RNF38: variants seen among roughly 807,000 people sequenced by gnomAD.
RNF38 encodes the protein ring finger protein 38, also known as E3 ubiquitin-protein ligase RNF38.
A neutral mutation model predicts 67.2 loss-of-function variants in RNF38; 15 were observed. That is an observed-to-expected ratio of 0.22 (90% confidence interval 0.15 to 0.34). RNF38 has a LOEUF of 0.34. RNF38 is among the 10% of genes least tolerant of loss of function. The pLI is 1.00. For missense variants in RNF38, 524 were observed against 639.9 expected (o/e 0.82, Z 1.95); for synonymous variants, 220 against 218.8 (o/e 1.01, Z -0.05).
At chr9:36,474,377 C>T (rs1840076415) in intron 1 of RNF38, among the ~76,000 whole-genome samples, 1 of 148,728 alleles carries the variant, frequency 6.7e-6, no homozygotes, top group African/African-American at 2.5e-5. Flanking sequence ...TCAGGAGAGA[C>T]AAAGGCAAAA....
chr9:36,431,183 A>G (rs1186730735), intron 1 of RNF38, among the ~76,000 whole-genome samples: 1 of 152,210 alleles, frequency 6.6e-6, no homozygotes, highest in East Asian at 1.9e-4. Context: ...GGAAACATCT[A>G]TAATCATGCA....
At chr9:36,353,030 G>T (rs1352082516) in intron 7 of RNF38, 140 bp downstream of exon 7, 7 of 823,954 alleles carry the variant, frequency 8.5e-6, no homozygotes, top group Non-Finnish European at 1.4e-5. Flanking sequence ...ACACTCAGGT[G>T]TATTTCTAAA....
chr9:36,452,226 TA>T (rs372299203), intron 1 of RNF38, among the ~76,000 whole-genome samples: 67 of 152,246 alleles, frequency 4.4e-4, no homozygotes, highest in African/African-American at 1.6e-3. Context: ...CTGATGTCTT[TA>T]AAAAAACTTT....
chr9:36,485,059 C>G (rs1840371415), intron 1 of RNF38, among the ~76,000 whole-genome samples: 1 of 152,138 alleles, frequency 6.6e-6, no homozygotes, highest in Non-Finnish European at 1.5e-5. Flanking sequence ...GTCCCAGCTA[C>G]TCGGGAGGCT....
rs1229002257 is a variant in RNF38, at chr9:36,353,025, CA to C, written c.1071+144del. 6 of 798,530 alleles carry C rather than the reference CA, an allele frequency of 7.5e-6. No individual in the cohort carries two copies. In the East Asian group the frequency reaches 1.1e-4, roughly 14 times the overall value. 49.5% of individuals were successfully genotyped at this position (798,530 alleles called of 1,614,324 possible). A position where few individuals can be genotyped will look rare whatever the true frequency, so the allele number is the denominator to read the frequency against. The stretch of plus-strand genomic sequence containing the variant: ...CAGCAACCATTTTAAACCATACACT[CA>C]GGTGTATTTCTAAATATAACTTTCC... On this transcript the variant is annotated intron_variant, in intron 7 of 11. Coordinates refer to ENST00000259605, the MANE Select transcript of RNF38 (RefSeq NM_022781.5).
Position 36,339,683 on chromosome 9 carries a change from G to T in RNF38, c.*69C>A. 1 of 1,279,180 alleles carries T rather than the reference G, an allele frequency of 7.8e-7. No individual in the cohort carries two copies. Among genetic ancestry groups the T allele is most frequent in the Non-Finnish European group, 1.1e-6 (1 of 888,830 alleles). The allele number at this position is 1,279,180 out of a possible 1,614,324, so 79.2% of individuals were successfully genotyped here. On this transcript the variant is annotated 3_prime_UTR_variant, in exon 12 of 12. Coordinates refer to ENST00000259605, the MANE Select transcript of RNF38 (RefSeq NM_022781.5). The stretch of plus-strand genomic sequence containing the variant: ...GAGGGCTGGAAGCCACACAGATTAA[G>T]TTCAATGGATAGTCCGTATATACAT...
chr9:36,391,232 ATGCAG>A (rs1345932926), intron 1 of RNF38, among the ~76,000 whole-genome samples: 3 of 152,226 alleles, frequency 2.0e-5, no homozygotes, highest in African/African-American at 7.2e-5. Context: ...GATTTGGCCA[ATGCAG>A]TGGTCACACC....
Position 36,356,471 on chromosome 9 carries a change from C to A in RNF38, c.741G>T (p.Met247Ile). 1 of 1,575,376 alleles carries A rather than the reference C, an allele frequency of 6.3e-7. No homozygotes were observed. Among genetic ancestry groups the A allele is most frequent in the Non-Finnish European group, 8.6e-7 (1 of 1,162,478 alleles). The change falls in exon 6 of 12, where the codon ATG (methionine) becomes ATT (isoleucine). Residue 247 changes from methionine (M) to isoleucine (I), a missense_variant and splice_region_variant. Physicochemically the swap from Met to Ile is conservative, Grantham distance 10. Around this residue, in one of 2 missense-constraint regions of RNF38, gnomAD observed 461 missense variants for 517.4 expected, o/e 0.89. Coordinates refer to ENST00000259605, the MANE Select transcript of RNF38 (RefSeq NM_022781.5). Reference protein sequence around the residue: ...HLPVCSVPPPMLQACSVQHLP... With the variant: ...HLPVCSVPPPILQACSVQHLP... ...AGTGCTGAACTGAACATGCCTGAAGCATCTGTAAGAGAAACCATTACAGTT... is the reference window on the plus strand; with the variant it reads ...AGTGCTGAACTGAACATGCCTGAAGAATCTGTAAGAGAAACCATTACAGTT...
chr9:36,460,885 C>CAAAAAAAAAAAAA (rs752827635), intron 1 of RNF38, among the ~76,000 whole-genome samples: 1 of 52,934 alleles, frequency 1.9e-5, no homozygotes, highest in Non-Finnish European at 3.3e-5. Flanking sequence ...GAAACTCTCT[C>CAAAAAAAAAAAAA]AAAAAAAAAA....
Position 36,378,506 on chromosome 9 carries a change from G to T in RNF38, c.163-2379C>A, listed in dbSNP as rs548480083. Among the ~76,000 whole-genome samples the T allele has an allele frequency of 9.9e-5, 15 of 152,186 alleles. No homozygotes were observed. In the South Asian group the frequency reaches 2.7e-3, roughly 27 times the overall value. On this transcript the variant is annotated intron_variant, in intron 2 of 11. Coordinates refer to ENST00000259605, the MANE Select transcript of RNF38 (RefSeq NM_022781.5). ...CTGACTTTTTAAAAACAAAATGCTA[G>T]TAACGAATCATGATCATTAGCTTTT...
chr9:36,358,403 G>C (rs1270377806), intron 4 of RNF38, among the ~76,000 whole-genome samples: 1 of 152,176 alleles, frequency 6.6e-6, no homozygotes, highest in Admixed American at 6.5e-5. Flanking sequence ...GCCACCCAGA[G>C]GCAAACGATG....
At chr9:36,402,490 A>G (rs1564048586), upstream of RNF38, among the ~76,000 whole-genome samples, 1 of 109,708 alleles carries the variant, frequency 9.1e-6, no homozygotes, top group African/African-American at 3.4e-5. Flanking sequence ...CCAGAATCTA[A>G]GCTTAAAAAA....
At chr9:36,351,330 A>G (rs1338718946) in intron 8 of RNF38, 131 bp from the exon 9 acceptor site, 5 of 596,774 alleles carry the variant, frequency 8.4e-6, no homozygotes, top group Non-Finnish European at 1.4e-5. Flanking sequence ...TTAACAAAAC[A>G]TATGCAAGAA....
chr9:36,391,628 TTTTTGAGATGGAGTCTCGC>T (rs2134027836), intron 1 of RNF38, among the ~76,000 whole-genome samples: 1 of 150,686 alleles, frequency 6.6e-6, no homozygotes, highest in Non-Finnish European at 1.5e-5. Context: ...TTTTTTTTTT[TTTTTGAGATGGAGTCTCGC>T]TGTCGCCCAG....
Position 36,357,849 on chromosome 9 carries a change from T to C in RNF38, c.664A>G (p.Ser222Gly), listed in dbSNP as rs200496217. Residue 222 changes from serine (S) to glycine (G), a missense_variant, in exon 5 of 12, where the codon AGT becomes GGT. Physicochemically the swap from Ser to Gly is moderately conservative, Grantham distance 56. Transcript: ENST00000259605. ...LCTGQHIPAC[S>G]TQQVPGCSVV... ...GAGCATCCTGGGACCTGCTGTGTAC[T>C]ACAAGCAGGGATGTGCTGGCCTGTG... is the stretch of plus-strand genomic sequence containing the variant. 5 of 1,613,496 alleles carry C rather than the reference T, an allele frequency of 3.1e-6. No homozygotes were observed. Among genetic ancestry groups the C allele is most frequent in the Admixed American group, 1.7e-5 (1 of 60,028 alleles).
At chr9:36,400,949 TCA>T (rs1222759319), upstream of RNF38, 3 of 979,264 alleles carry the variant, frequency 3.1e-6, no homozygotes, top group East Asian at 3.6e-4. Context: ...GCCTCGGCGA[TCA>T]CAGACCCGGG....
chr9:36,377,402 T>C (rs1191814222), intron 2 of RNF38, among the ~76,000 whole-genome samples: 1 of 152,024 alleles, frequency 6.6e-6, no homozygotes, highest in African/African-American at 2.4e-5. Context: ...TCAGAACTGA[T>C]TATTTAAGCT....
intron 9 of RNF38, among the ~76,000 whole-genome samples, chr9:36,348,266 A>C (rs1833443419): frequency 6.6e-6 from 1 of 151,936 alleles, no homozygotes; most frequent in Non-Finnish European, 1.5e-5. Flanking sequence ...CAACACTTGG[A>C]CTAGCCTTGG....
At chr9:36,451,453 T>C (rs1448460708) in intron 1 of RNF38, among the ~76,000 whole-genome samples, 1 of 144,396 alleles carries the variant, frequency 6.9e-6, no homozygotes, top group African/African-American at 2.5e-5. Context: ...GCAACAAGAG[T>C]GAAACTCCAT....
Sources: gnomAD v4.1 joint callset for allele counts (sites outside exome capture counted in the v4.1 genomes callset) on GRCh38, gnomAD v4.1.1 for gene constraint, gnomAD v4.1.1 regional missense constraint, MANE v1.5 for transcripts, NCBI Gene and HGNC (gene_info 2026-07-23, HGNC 2026-07-21) for gene names.